C12orf42: variants seen among roughly 807,000 people sequenced by gnomAD.
C12orf42 encodes chromosome 12 open reading frame 42.
A neutral mutation model predicts 21.6 loss-of-function variants in C12orf42; 25 were observed. That is an observed-to-expected ratio of 1.16 (90% CI 0.84 to 1.62). The LOEUF (loss-of-function observed/expected upper bound fraction) is 1.62. Among genes scored for constraint, C12orf42 ranks in the 40% most tolerant of loss-of-function variants. The pLI is 0.00. For synonymous variants in C12orf42, 174 were observed against 175.0 expected (o/e 0.99, Z 0.05); for missense variants, 483 against 459.3 (o/e 1.05, Z -0.47).
intron 4 of C12orf42, among the ~76,000 whole-genome samples, chr12:103,343,778 A>C (rs2042379058): frequency 6.6e-6 from 1 of 151,308 alleles, no homozygotes; most frequent in African/African-American, 2.4e-5. Context: ...CTGTCACAAA[A>C]AAAAAAAAAA....
chr12:103,213,209 A>C, the C12orf42 span, among the ~76,000 whole-genome samples: 1 of 152,162 alleles, frequency 6.6e-6, no homozygotes, highest in Non-Finnish European at 1.5e-5. Context: ...AAGAGATCTC[A>C]TCCTCTTAAC....
the C12orf42 span, among the ~76,000 whole-genome samples, chr12:103,126,159 A>G: frequency 6.6e-6 from 1 of 152,312 alleles, no homozygotes; most frequent in African/African-American, 2.4e-5. Flanking sequence ...CAAGGAAGAA[A>G]TCTAGGCAAT....
chr12:103,388,724 T>C (rs2046832102), intron 3 of C12orf42, among the ~76,000 whole-genome samples: 2 of 152,214 alleles, frequency 1.3e-5, no homozygotes, highest in Non-Finnish European at 2.9e-5. Flanking sequence ...AGACACAACA[T>C]GAATGATTAT....
chr12:103,354,787 G>A (rs915193146), intron 4 of C12orf42, among the ~76,000 whole-genome samples: 13 of 151,928 alleles, frequency 8.6e-5, no homozygotes, highest in African/African-American at 2.9e-4. Flanking sequence ...CAAATTCCTG[G>A]GCTGAAGCAA....
chr12:103,302,425 C>T lies in C12orf42; in HGVS notation c.766G>A (p.Ala256Thr). ...CTGCTTTGGATGTCGTCGGGGTGTG[C>T]CTGAGCGCCTGCTGGGACTGCCATC... is the stretch of plus-strand genomic sequence containing the variant. ...ERMAVPAGAQ[A>T]HPDDIQSRLL... Residue 256 changes from alanine to threonine, a missense_variant, in exon 6 of 6, where the codon GCA becomes ACA. Ala to Thr is a moderately conservative substitution (Grantham distance 58). Transcript: ENST00000548883. The T allele has an allele frequency of 6.2e-7, 1 of 1,613,880 alleles. No homozygotes were observed. The highest frequency in any genetic ancestry group is 8.5e-7 in the Non-Finnish European group (1 of 1,179,856).
At chr12:103,467,241 G>C (rs1953212947) in intron 2 of C12orf42, among the ~76,000 whole-genome samples, 1 of 152,100 alleles carries the variant, frequency 6.6e-6, no homozygotes, top group Non-Finnish European at 1.5e-5. Context: ...CTATTTACTA[G>C]AATTATTAAA....
At chr12:103,375,984 G>C (rs2045655982) in intron 3 of C12orf42, among the ~76,000 whole-genome samples, 1 of 152,128 alleles carries the variant, frequency 6.6e-6, no homozygotes, top group Non-Finnish European at 1.5e-5. Flanking sequence ...TTGCCACTTG[G>C]AAAGAAAATA....
intron 4 of C12orf42, among the ~76,000 whole-genome samples, chr12:103,362,234 G>C (rs1017079515): frequency 6.6e-6 from 1 of 152,102 alleles, no homozygotes; most frequent in African/African-American, 2.4e-5. Flanking sequence ...GCCCTGCTGG[G>C]TGGCTAGATC....
At chr12:103,254,288 C>T (rs1370950678) in intron 10 of C12orf42, among the ~76,000 whole-genome samples, 1 of 152,096 alleles carries the variant, frequency 6.6e-6, no homozygotes, top group African/African-American at 2.4e-5. Context: ...GGTAACAAAC[C>T]TGCACATTCA....
the C12orf42 span, among the ~76,000 whole-genome samples, chr12:103,543,484 A>C: frequency 6.6e-6 from 1 of 152,036 alleles, no homozygotes; most frequent in East Asian, 1.9e-4. Flanking sequence ...ATGGTAGTGC[A>C]TGCCTGTGGT....
chr12:103,263,069 G>A (rs528208471), intron 10 of C12orf42, among the ~76,000 whole-genome samples: 5 of 152,082 alleles, frequency 3.3e-5, no homozygotes, highest in African/African-American at 9.6e-5. Context: ...ACCAAATACC[G>A]CATGTTCTCA....
At chr12:103,078,601 T>C in the C12orf42 span, among the ~76,000 whole-genome samples, 1 of 152,222 alleles carries the variant, frequency 6.6e-6, no homozygotes, top group South Asian at 2.1e-4. Flanking sequence ...ATGCTTCATA[T>C]AGTGGATCTA....
At chr12:103,138,851 T>A in the C12orf42 span, among the ~76,000 whole-genome samples, 1 of 152,186 alleles carries the variant, frequency 6.6e-6, no homozygotes, top group Non-Finnish European at 1.5e-5. Flanking sequence ...CACAATTTTA[T>A]TCTTCAAGAT....
chr12:103,058,625 AAC>A, the C12orf42 span, among the ~76,000 whole-genome samples: 2 of 152,194 alleles, frequency 1.3e-5, no homozygotes, highest in East Asian at 3.9e-4. Context: ...CAGAAATTAT[AAC>A]AGTCTCTCAG....
chr12:103,224,748 A>T, the C12orf42 span, among the ~76,000 whole-genome samples: 1 of 152,182 alleles, frequency 6.6e-6, no homozygotes, highest in Non-Finnish European at 1.5e-5. Context: ...TAAAAGTATT[A>T]AAGCAGTGGC....
chr12:103,298,777 G>C (rs899996206), downstream of C12orf42, among the ~76,000 whole-genome samples: 3 of 152,134 alleles, frequency 2.0e-5, no homozygotes, highest in African/African-American at 7.2e-5. Context: ...TCACAAGTCT[G>C]ATTTTGGTCA....
At chr12:103,226,404 C>T in the C12orf42 span, among the ~76,000 whole-genome samples, 2 of 152,182 alleles carry the variant, frequency 1.3e-5, no homozygotes, top group Admixed American at 6.5e-5. Context: ...GAGAATAAGA[C>T]AGCCTTTTGA....
intron 10 of C12orf42, among the ~76,000 whole-genome samples, chr12:103,239,083 C>T (rs2033600675): frequency 6.6e-6 from 1 of 152,098 alleles, no homozygotes; most frequent in South Asian, 2.1e-4. Context: ...AGAATTAGTG[C>T]ATATGGGGAG....
the C12orf42 span, among the ~76,000 whole-genome samples, chr12:103,082,007 A>C: frequency 6.6e-5 from 10 of 152,174 alleles, no homozygotes; most frequent in Non-Finnish European, 1.3e-4. Flanking sequence ...AAGCTCTTTT[A>C]ATGTTGTCAC....
Sources: allele counts gnomAD v4.1 joint callset (sites outside exome capture counted in the v4.1 genomes callset), GRCh38; gene constraint gnomAD v4.1.1; transcripts MANE v1.5; gene names NCBI Gene and HGNC (gene_info 2026-07-23, HGNC 2026-07-21).